The following LSAMP variants were observed in gnomAD, a reference collection of about 807,000 sequenced individuals.
The protein encoded by LSAMP is limbic system-associated membrane protein.
In LSAMP, 7 loss-of-function variants were observed where a neutral mutation model predicts 38.6. The observed-to-expected ratio is 0.18, with a 90% CI of 0.10 to 0.34. The LOEUF is 0.34. Among genes scored for constraint, LSAMP ranks in the 10% least tolerant of loss-of-function variants. The pLI, the probability that LSAMP is intolerant of heterozygous loss-of-function variation, is 1.00. For synonymous variants in LSAMP, 154 were observed against 166.8 expected (o/e 0.92, Z 0.59); for missense variants, 313 against 420.0 (o/e 0.75, Z 2.23).
At chr3:116,203,490 C>T (rs2107596054) in intron 1 of LSAMP, among the ~76,000 whole-genome samples, 1 of 151,674 alleles carries the variant, frequency 6.6e-6, no homozygotes, top group South Asian at 2.1e-4. Flanking sequence ...TGCTGGTGCG[C>T]TGCACCCACT....
intron 2 of LSAMP, among the ~76,000 whole-genome samples, chr3:116,043,990 T>C (rs1002391105): frequency 1.3e-5 from 2 of 152,222 alleles, no homozygotes; most frequent in African/African-American, 4.8e-5. Context: ...CTTAATGTCT[T>C]TCCACTTATG....
chr3:116,291,298 T>C (rs947907668), intron 1 of LSAMP, among the ~76,000 whole-genome samples: 1 of 152,168 alleles, frequency 6.6e-6, no homozygotes, highest in African/African-American at 2.4e-5. Context: ...TTGAGGACTC[T>C]GCCATATGGT....
chr3:116,106,424 T>C (rs1007973140), intron 1 of LSAMP, among the ~76,000 whole-genome samples: 1 of 152,176 alleles, frequency 6.6e-6, no homozygotes, highest in East Asian at 1.9e-4. Context: ...TGGGGCCTAA[T>C]AAAAAGGAGT....
chr3:116,095,811 C>T (rs1708214388), intron 1 of LSAMP, among the ~76,000 whole-genome samples: 1 of 152,158 alleles, frequency 6.6e-6, no homozygotes, highest in Non-Finnish European at 1.5e-5. Flanking sequence ...TTCTTAATCA[C>T]ATCTCAACTC....
chr3:116,100,511 T>G (rs112140124), intron 1 of LSAMP, among the ~76,000 whole-genome samples: 4 of 152,330 alleles, frequency 2.6e-5, no homozygotes, highest in African/African-American at 9.6e-5. Flanking sequence ...TTCTCATAAA[T>G]TGACCTCTAC....
At chr3:116,086,595 A>G (rs1265445030) in intron 1 of LSAMP, 39 bp from the exon 2 acceptor site, 7 of 1,508,582 alleles carry the variant, frequency 4.6e-6, no homozygotes, top group East Asian at 2.3e-5. Flanking sequence ...CCTTAACAAC[A>G]ACTATTTCTG....
At chr3:116,229,931 G>A (rs1173384346) in intron 1 of LSAMP, among the ~76,000 whole-genome samples, 1 of 152,154 alleles carries the variant, frequency 6.6e-6, no homozygotes, top group African/African-American at 2.4e-5. Context: ...AGATGGGGTG[G>A]TGGGTGGAAG....
At chr3:116,433,346 G>T (rs1029836842) in intron 1 of LSAMP, among the ~76,000 whole-genome samples, 1 of 152,086 alleles carries the variant, frequency 6.6e-6, no homozygotes, top group Non-Finnish European at 1.5e-5. Context: ...ATATAGAGAT[G>T]CATCATTAGA....
chr3:116,429,437 G>T (rs151137963), intron 1 of LSAMP, among the ~76,000 whole-genome samples: 35 of 152,054 alleles, frequency 2.3e-4, no homozygotes, highest in East Asian at 1.9e-3. Context: ...AAGAAAAGTG[G>T]TTTTTTTTAA....
chr3:116,335,695 C>G (rs2047911519), intron 1 of LSAMP, among the ~76,000 whole-genome samples: 1 of 152,012 alleles, frequency 6.6e-6, no homozygotes, highest in Non-Finnish European at 1.5e-5. Flanking sequence ...ACCTGAACTA[C>G]CAAACATCAA....
At chr3:116,155,643 G>C (rs1160547562) in intron 1 of LSAMP, among the ~76,000 whole-genome samples, 1 of 151,502 alleles carries the variant, frequency 6.6e-6, no homozygotes, top group Admixed American at 6.6e-5. Flanking sequence ...GTGTATATGT[G>C]TGTGTGTGTG....
intron 3 of LSAMP, among the ~76,000 whole-genome samples, chr3:116,004,244 G>A (rs2107664297): frequency 6.6e-6 from 1 of 152,138 alleles, no homozygotes; most frequent in Admixed American, 6.6e-5. Flanking sequence ...AAAACTCATG[G>A]TCCCTGTGCT....
At chr3:116,154,922 A>AT (rs1388233449) in intron 1 of LSAMP, among the ~76,000 whole-genome samples, 1 of 152,198 alleles carries the variant, frequency 6.6e-6, no homozygotes, top group African/African-American at 2.4e-5. Flanking sequence ...CAATTTATGC[A>AT]TAAACATATA....
chr3:116,319,948 T>A (rs2047685590), intron 1 of LSAMP, among the ~76,000 whole-genome samples: 1 of 152,214 alleles, frequency 6.6e-6, no homozygotes, highest in Admixed American at 6.5e-5. Context: ...GTTGTATTTT[T>A]TTCCTCCTTT....
At chr3:116,277,419 A>G (rs865799639) in intron 1 of LSAMP, among the ~76,000 whole-genome samples, 2 of 150,958 alleles carry the variant, frequency 1.3e-5, no homozygotes, top group South Asian at 4.2e-4. Flanking sequence ...CCCAGGCTGG[A>G]GTGCAGTGGC....
chr3:116,409,393 T>C (rs1288816430), intron 1 of LSAMP, among the ~76,000 whole-genome samples: 1 of 152,074 alleles, frequency 6.6e-6, no homozygotes, highest in South Asian at 2.1e-4. Flanking sequence ...CTTTGCATGA[T>C]GGGATCTGTA....
At chr3:116,016,666 G>C (rs1940493040) in intron 3 of LSAMP, among the ~76,000 whole-genome samples, 1 of 152,148 alleles carries the variant, frequency 6.6e-6, no homozygotes, top group African/African-American at 2.4e-5. Context: ...CAGTGATGCT[G>C]TTTTAGAACA....
At chr3:116,132,928 C>G (rs1435457346) in intron 1 of LSAMP, among the ~76,000 whole-genome samples, 1 of 152,150 alleles carries the variant, frequency 6.6e-6, no homozygotes, top group Non-Finnish European at 1.5e-5. Context: ...ATCTCCTACA[C>G]CTCTTCCGTG....
chr3:116,153,417 T>A (rs1709657188), intron 1 of LSAMP, among the ~76,000 whole-genome samples: 1 of 152,150 alleles, frequency 6.6e-6, no homozygotes, highest in Non-Finnish European at 1.5e-5. Context: ...TGCCACATGC[T>A]ATGGAGAGCT....
Sources: allele counts gnomAD v4.1 joint callset (sites outside exome capture counted in the v4.1 genomes callset), GRCh38; gene constraint gnomAD v4.1.1; transcripts MANE v1.5; gene names NCBI Gene and HGNC (gene_info 2026-07-23, HGNC 2026-07-21).